Variants in DDX39A observed in about 807,000 individuals in gnomAD.
DDX39A encodes the protein DExD-box helicase 39A, also known as ATP-dependent RNA helicase DDX39A.
In DDX39A, 13 loss-of-function variants were observed where a neutral mutation model predicts 46.3. The observed-to-expected ratio is 0.28, with a 90% CI of 0.18 to 0.45. DDX39A has a LOEUF of 0.45. DDX39A is among the 20% of genes least tolerant of loss of function. The probability of loss-of-function intolerance (pLI) is 1.00; values close to 1 mark genes in which losing one functional copy is unlikely to be tolerated. For missense variants in DDX39A, 352 were observed against 581.8 expected (o/e 0.61, Z 4.06); for synonymous variants, 234 against 224.6 (o/e 1.04, Z -0.38).
At position 14,419,304 on chromosome 19, in the gene DDX39A, G is replaced by C. The variant is rs1442904155; in HGVS notation, c.-39C>G. Reference sequence around the variant, plus strand: ...CGTTCTTCTCCGCGCGCTGCTAAGAGACACTTCCAACTTCGGTTTTCCGCC... The same window carrying C: ...CGTTCTTCTCCGCGCGCTGCTAAGACACACTTCCAACTTCGGTTTTCCGCC... On this transcript the variant is annotated 5_prime_UTR_variant, in exon 1 of 11. Coordinates refer to ENST00000242776, the MANE Select transcript of DDX39A (RefSeq NM_005804.4). The C allele has an allele frequency of 4.1e-6, 1 of 243,966 alleles. No individual in the cohort carries two copies. The highest frequency in any genetic ancestry group is 8.4e-6 in the Non-Finnish European group (1 of 119,558). The allele number at this position is 243,966 out of a possible 1,614,324, so 15.1% of individuals were successfully genotyped here.
chr19:14,417,624 T>TA (rs1289178604), intron 1 of DDX39A, among the ~76,000 whole-genome samples: 3 of 151,910 alleles, frequency 2.0e-5, no homozygotes, highest in Admixed American at 6.6e-5. Flanking sequence ...CCCTAAAACT[T>TA]AAAAAAACTT....
chr19:14,417,022 TA>T (rs1267374197), intron 1 of DDX39A, among the ~76,000 whole-genome samples: 2 of 152,278 alleles, frequency 1.3e-5, no homozygotes, highest in Admixed American at 1.3e-4. Context: ...AGGGAACTGC[TA>T]ATTAGATTGG....
Position 14,410,993 on chromosome 19 carries a change from C to A in DDX39A, c.609G>T (p.Gln203His), listed in dbSNP as rs976772128. The stretch of plus-strand genomic sequence containing the variant: ...CTGCAAGGGCAGAGGACTCACCCAG[C>A]TGCTCCAGCATCTTGTCACACTCGT... ...VLDECDKMLE[Q>H]LDMRRDVQEI... is the part of the protein sequence containing the mutation. The change falls in exon 5 of 11, where the codon CAG becomes CAT. Residue 203 changes from glutamine (Q) to histidine (H), a missense_variant. Transcript: ENST00000242776. This position sits in a 1 kb window ranked among gnomAD's most constrained non-coding sequence, Gnocchi z 4.3. 3 of 1,571,092 alleles carry A rather than the reference C, an allele frequency of 1.9e-6. No homozygotes were observed. Among genetic ancestry groups the A allele is most frequent in the Non-Finnish European group, 2.6e-6 (3 of 1,155,886 alleles).
In DDX39A at chr19:14,410,312, C is replaced by G; in HGVS notation, c.636G>C (p.Glu212Asp). ...EQLDMRRDVQ[E>D]IFRLTPHEKQ... The stretch of plus-strand genomic sequence containing the variant: ...TCTCGTGTGGTGTCAGGCGGAAGAT[C>G]TCCTGCACATCCCGCCGCATGTCTA... The change falls in exon 6 of 11, where the codon GAG becomes GAC. Residue 212 changes from glutamate to aspartate, a missense_variant. By Grantham distance (45) the Glu-to-Asp change is conservative (BLOSUM62 2). Transcript: ENST00000242776. The surrounding 1 kb of genome is among the most constrained non-coding windows in gnomAD (Gnocchi z 4.3). 6.2e-7 allele frequency: 1 copy of G among 1,614,160 alleles called. No individual in the cohort carries two copies. The highest frequency in any genetic ancestry group is 1.1e-5 in the South Asian group (1 of 91,076).
chr19:14,417,653 G>A (rs1976864416), intron 1 of DDX39A, among the ~76,000 whole-genome samples: 2 of 152,128 alleles, frequency 1.3e-5, no homozygotes, highest in African/African-American at 4.8e-5. Flanking sequence ...CATAGCCCAA[G>A]GGGCACCTTC....
At position 14,411,854 on chromosome 19, in the gene DDX39A, G is replaced by A. The variant is rs182233044; in HGVS notation, c.337-256C>T. On this transcript the variant is annotated intron_variant, in intron 3 of 10. Coordinates refer to ENST00000242776, the MANE Select transcript of DDX39A (RefSeq NM_005804.4). This position sits in a 1 kb window ranked among gnomAD's most constrained non-coding sequence, Gnocchi z 4.1. ...CAGAAAATGGAACAGAAAATGGCCC[G>A]CATAATGTAATGGTTAGACCTGGCC... Among the ~76,000 whole-genome samples, 265 of 152,088 alleles carry A rather than the reference G, an allele frequency of 1.7e-3. No homozygotes were observed. The highest frequency in any genetic ancestry group is 2.6e-3 in the Non-Finnish European group (177 of 68,004).
chr19:14,417,896 G>A (rs754190352), intron 1 of DDX39A, among the ~76,000 whole-genome samples: 8 of 151,730 alleles, frequency 5.3e-5, no homozygotes, highest in Non-Finnish European at 1.0e-4. Context: ...GGGGCCCAGC[G>A]TGGTGGCTCA....
At chr19:14,413,264 GA>G in intron 1 of DDX39A, 40 bp from the exon 2 acceptor site, 1 of 1,544,560 alleles carries the variant, frequency 6.5e-7, no homozygotes, top group South Asian at 1.2e-5. Flanking sequence ...AGTGGGCACA[GA>G]AGGATGATGA....
Position 14,409,808 on chromosome 19 carries a change from G to A in DDX39A, c.798C>T (p.Val266=). Residue 266 remains valine, a synonymous_variant, in exon 7 of 11, where the codon GTC becomes GTT. Transcript: ENST00000242776. The surrounding 1 kb of genome is among the most constrained non-coding windows in gnomAD (Gnocchi z 8.3). ...GGTTCTTCTCACTGTCTTTGAGTTTGACGTAGTACTGCTGCAGGCCGTGCA... is the reference window on the plus strand; with the variant it reads ...GGTTCTTCTCACTGTCTTTGAGTTTAACGTAGTACTGCTGCAGGCCGTGCA... ...LTLHGLQQYY[V]KLKDSEKNRK... is the part of the protein sequence containing the mutation. The A allele has an allele frequency of 6.2e-7, 1 of 1,614,154 alleles. No homozygotes were observed. Among genetic ancestry groups the A allele is most frequent in the Non-Finnish European group, 8.5e-7 (1 of 1,180,024 alleles).
chr19:14,408,914 G>T lies in DDX39A; in HGVS notation c.*22C>A. On this transcript the variant is annotated 3_prime_UTR_variant, in exon 11 of 11. Transcript: ENST00000242776. ...AAGCTGCATGCGGGCGGCTCCGGGT[G>T]GGCGGCTCTGGCACGTGGTGGTTAC... The T allele has an allele frequency of 6.4e-7, 1 of 1,573,018 alleles. No homozygotes were observed. Among genetic ancestry groups the T allele is most frequent in the South Asian group, 1.2e-5 (1 of 85,160 alleles).
At chr19:14,414,015 C>G (rs1276869311) in intron 1 of DDX39A, 1 of 152,202 alleles carries the variant, frequency 6.6e-6, no homozygotes, top group East Asian at 1.9e-4. Flanking sequence ...TACCAAGTGC[C>G]TGCTGGGTGC....
chr19:14,418,243 G>T (rs987809275), intron 1 of DDX39A, among the ~76,000 whole-genome samples: 12 of 151,336 alleles, frequency 7.9e-5, no homozygotes, highest in African/African-American at 2.4e-4. Flanking sequence ...AAACTGATTA[G>T]ATCAGGAAAG....
Position 14,410,516 on chromosome 19 carries a change from C to T in DDX39A, c.614-182G>A, listed in dbSNP as rs949508261. The T allele has an allele frequency of 6.5e-6, 4 of 617,800 alleles. No homozygotes were observed. Among genetic ancestry groups the T allele is most frequent in the Admixed American group, 2.6e-5 (1 of 37,976 alleles). The allele number at this position is 617,800 out of a possible 1,614,324, so 38.3% of individuals were successfully genotyped here. ...GAGGGGCTGGGGGGTGGCCAGCGAG[C>T]GCAGGCGCGGGAGGAGCTGCAATCC... On this transcript the variant is annotated intron_variant, in intron 5 of 10. Transcript: ENST00000242776. The surrounding 1 kb of genome is among the most constrained non-coding windows in gnomAD (Gnocchi z 4.3).
In DDX39A at chr19:14,408,928, C is replaced by CGTG; in HGVS notation, c.*5_*7dup. On this transcript the variant is annotated 3_prime_UTR_variant, in exon 11 of 11. Transcript: ENST00000242776. Reference sequence around the variant, plus strand: ...CGGCTCCGGGTGGGCGGCTCTGGCACGTGGTGGTTACCGGCTCTGCTCGAC... The same window carrying CGTG: ...CGGCTCCGGGTGGGCGGCTCTGGCACGTGGTGGTGGTTACCGGCTCTGCTCGAC... The CGTG allele has an allele frequency of 1.3e-6, 2 of 1,587,728 alleles. No homozygotes were observed. Among genetic ancestry groups the CGTG allele is most frequent in the Non-Finnish European group, 1.7e-6 (2 of 1,164,358 alleles).
chr19:14,416,885 G>T (rs1483441457), intron 1 of DDX39A, among the ~76,000 whole-genome samples: 1 of 152,034 alleles, frequency 6.6e-6, no homozygotes, highest in Non-Finnish European at 1.5e-5. Context: ...GTTTCACCAC[G>T]TTTCCCAGGC....
chr19:14,418,698 G>A (rs532163845), intron 1 of DDX39A, among the ~76,000 whole-genome samples: 6 of 152,068 alleles, frequency 3.9e-5, no homozygotes, highest in Non-Finnish European at 7.4e-5. Flanking sequence ...CTGACCTCAA[G>A]TGATCCGCCC....
At chr19:14,417,182 T>C (rs771859601) in intron 1 of DDX39A, among the ~76,000 whole-genome samples, 9 of 151,740 alleles carry the variant, frequency 5.9e-5, no homozygotes, top group Non-Finnish European at 1.3e-4. Context: ...AAAGAAAGGG[T>C]GGGACATGCC....
chr19:14,412,950 C>T lies in DDX39A; in HGVS notation c.208+63G>A, dbSNP rs184513975. ...AAACTGGAGGCGGCACCGCTCTGGG[C>T]GGGCAGGGCTGGTCTTGTCTTGGTG... On this transcript the variant is annotated intron_variant, in intron 2 of 10. Transcript: ENST00000242776. This position sits in a 1 kb window ranked among gnomAD's most constrained non-coding sequence, Gnocchi z 4.4. 1.3e-4 allele frequency: 205 copies of T among 1,546,806 alleles called. 2 individuals are homozygous for T. In the African/African-American group the frequency reaches 2.4e-3, roughly 18 times the overall value.
chr19:14,415,116 G>A (rs910469975), intron 1 of DDX39A, among the ~76,000 whole-genome samples: 5 of 151,844 alleles, frequency 3.3e-5, no homozygotes, highest in Non-Finnish European at 7.4e-5. Flanking sequence ...TACCCTTTAC[G>A]TATCCATACC....
Sources: gnomAD v4.1 joint callset for allele counts (sites outside exome capture counted in the v4.1 genomes callset) on GRCh38, gnomAD v4.1.1 for gene constraint, Gnocchi (gnomAD v3.1) non-coding constraint, MANE v1.5 for transcripts, NCBI Gene and HGNC (gene_info 2026-07-23, HGNC 2026-07-21) for gene names.